Variants in PLCB1 observed in about 807,000 individuals in gnomAD.
The protein encoded by PLCB1 is 1-phosphatidylinositol 4,5-bisphosphate phosphodiesterase beta-1.
In PLCB1, 46 loss-of-function variants were observed where a neutral mutation model predicts 161.8. The observed-to-expected ratio is 0.28, with a 90% confidence interval of 0.22 to 0.36. The LOEUF is 0.36. PLCB1 is among the 10% of genes least tolerant of loss of function. The pLI, the probability that PLCB1 is intolerant of heterozygous loss-of-function variation, is 1.00. For missense variants in PLCB1, 1,016 were observed against 1,472.5 expected (o/e 0.69, Z 5.07); for synonymous variants, 517 against 503.7 (o/e 1.03, Z -0.35).
chr20:8,208,782 A>G (rs927586890), intron 2 of PLCB1, among the ~76,000 whole-genome samples: 11 of 152,130 alleles, frequency 7.2e-5, no homozygotes, highest in Non-Finnish European at 1.5e-5. Flanking sequence ...TCATGAGATT[A>G]TTGAATATAA....
intron 2 of PLCB1, among the ~76,000 whole-genome samples, chr20:8,357,740 C>G (rs187531877): frequency 4.9e-4 from 74 of 152,238 alleles, no homozygotes; most frequent in Non-Finnish European, 1.0e-3. Context: ...AGAAATTCTG[C>G]CCTGCGTTCT....
chr20:8,548,807 G>A (rs1046372137), intron 3 of PLCB1, among the ~76,000 whole-genome samples: 3 of 152,150 alleles, frequency 2.0e-5, no homozygotes, highest in Non-Finnish European at 4.4e-5. Context: ...TGACACAGGT[G>A]AGCTTTCAAT....
At chr20:8,375,805 G>A (rs555839147) in intron 3 of PLCB1, among the ~76,000 whole-genome samples, 49 of 152,150 alleles carry the variant, frequency 3.2e-4, no homozygotes, top group South Asian at 8.3e-4. Context: ...TGTAAGTTCC[G>A]TTAGCCCTTG....
At chr20:8,395,815 ATTT>A (rs201418878) in intron 3 of PLCB1, among the ~76,000 whole-genome samples, 1 of 151,802 alleles carries the variant, frequency 6.6e-6, no homozygotes, top group African/African-American at 2.4e-5. Context: ...TGTTTTTCCC[ATTT>A]TAAAAAAAAA....
At chr20:8,867,283 C>T (rs1987461265) in intron 31 of PLCB1, among the ~76,000 whole-genome samples, 1 of 152,274 alleles carries the variant, frequency 6.6e-6, no homozygotes, top group Admixed American at 6.5e-5. Context: ...AAGGGCAGGA[C>T]CCCCACAGGA....
intron 1 of PLCB1, among the ~76,000 whole-genome samples, chr20:8,145,334 C>T (rs6055569): frequency 0.029 from 4,416 of 152,172 alleles, 197 homozygotes; most frequent in African/African-American, 0.098. Context: ...ACTCTAAGGC[C>T]TCCTTTTAAC....
rs559705037 is a variant in PLCB1, at chr20:8,809,885, C to A, written c.3423+19624C>A. Among the ~76,000 whole-genome samples the A allele has an allele frequency of 2.1e-3, 323 of 152,154 alleles. 1 individual carries two copies. The highest frequency in any genetic ancestry group is 0.017 in the Middle Eastern group (5 of 294). On this transcript the variant is annotated intron_variant, in intron 31 of 31. Transcript: ENST00000338037. ...CTAGCATTGACAACATTTTTCTAGCCCCCTCAGCAATGTCTTCTACCTAAA... is the reference window on the plus strand; with the variant it reads ...CTAGCATTGACAACATTTTTCTAGCACCCTCAGCAATGTCTTCTACCTAAA...
chr20:8,747,612 GT>G (rs945720139), intron 23 of PLCB1, among the ~76,000 whole-genome samples: 1 of 152,042 alleles, frequency 6.6e-6, no homozygotes, highest in African/African-American at 2.4e-5. Context: ...ATCAAAAATT[GT>G]TTGCAAATAT....
At chr20:8,820,263 A>G (rs1985277729) in intron 31 of PLCB1, among the ~76,000 whole-genome samples, 1 of 149,314 alleles carries the variant, frequency 6.7e-6, no homozygotes, top group Non-Finnish European at 1.5e-5. Flanking sequence ...ATAGTATTAT[A>G]TTATTATATA....
At chr20:8,432,631 T>C (rs1980100878) in intron 3 of PLCB1, among the ~76,000 whole-genome samples, 1 of 152,256 alleles carries the variant, frequency 6.6e-6, no homozygotes, top group Admixed American at 6.5e-5. Context: ...TGAAGCAGTA[T>C]TATTTTTTAA....
At chr20:8,459,976 G>T (rs1044487936) in intron 3 of PLCB1, among the ~76,000 whole-genome samples, 1 of 152,182 alleles carries the variant, frequency 6.6e-6, no homozygotes, top group Non-Finnish European at 1.5e-5. Flanking sequence ...ACCTTAAGTG[G>T]CAGTTTTTAG....
chr20:8,672,526 G>A (rs1455916145), intron 9 of PLCB1, among the ~76,000 whole-genome samples: 8 of 151,586 alleles, frequency 5.3e-5, no homozygotes, highest in Admixed American at 5.3e-4. Flanking sequence ...CTCAGGAGCA[G>A]TTCCATGCTA....
At chr20:8,174,989 A>G (rs1402986485) in intron 2 of PLCB1, among the ~76,000 whole-genome samples, 1 of 152,176 alleles carries the variant, frequency 6.6e-6, no homozygotes, top group Non-Finnish European at 1.5e-5. Context: ...AGATGACTTT[A>G]GCACAGGAAA....
chr20:8,672,151 G>A (rs915171092), intron 9 of PLCB1, among the ~76,000 whole-genome samples: 7 of 152,160 alleles, frequency 4.6e-5, no homozygotes, highest in African/African-American at 1.4e-4. Context: ...CTTATGAATT[G>A]TATAACCTTG....
Position 8,752,558 on chromosome 20 carries a change from C to T in PLCB1, c.2524-4488C>T, listed in dbSNP as rs548412981. Among the ~76,000 whole-genome samples, 6 of 152,042 alleles carry T rather than the reference C, an allele frequency of 3.9e-5. 1 individual carries two copies. The highest frequency in any genetic ancestry group is 1.4e-4 in the African/African-American group (6 of 41,470). On this transcript the variant is annotated intron_variant, in intron 23 of 31. Coordinates refer to ENST00000338037, the MANE Select transcript of PLCB1 (RefSeq NM_015192.4). ...CCTGTAATCCAGCACTTTGGGAGAC[C>T]GAGGCAGGTGGATCACTTGAGGTCA... is the stretch of plus-strand genomic sequence containing the variant.
intron 23 of PLCB1, among the ~76,000 whole-genome samples, chr20:8,744,616 TAAATA>T (rs11474419): frequency 0.011 from 1,377 of 121,204 alleles, 35 homozygotes; most frequent in African/African-American, 0.039. Context: ...AAAAATAAAA[TAAATA>T]AAATAAAATA....
chr20:8,779,989 T>C (rs947218023), intron 27 of PLCB1, among the ~76,000 whole-genome samples: 5 of 152,138 alleles, frequency 3.3e-5, no homozygotes, highest in Non-Finnish European at 7.4e-5. Flanking sequence ...TTCACGTGCT[T>C]GTGCTCCATG....
chr20:8,278,311 T>TA (rs1254330433), intron 2 of PLCB1, among the ~76,000 whole-genome samples: 1 of 75,410 alleles, frequency 1.3e-5, no homozygotes, highest in Non-Finnish European at 2.6e-5. Context: ...AAAATATATA[T>TA]TATATTTATA....
intron 2 of PLCB1, among the ~76,000 whole-genome samples, chr20:8,237,472 T>C (rs988874235): frequency 6.6e-6 from 1 of 152,094 alleles, no homozygotes; most frequent in African/African-American, 2.4e-5. Flanking sequence ...TTATAAATGA[T>C]TTTAATTTAC....
Sources: gnomAD v4.1 joint callset for allele counts (sites outside exome capture counted in the v4.1 genomes callset) on GRCh38, gnomAD v4.1.1 for gene constraint, MANE v1.5 for transcripts, NCBI Gene and HGNC (gene_info 2026-07-23, HGNC 2026-07-21) for gene names.